Variants in ZFX observed in about 807,000 individuals in gnomAD.
The protein encoded by ZFX is zinc finger protein X-linked, also known as zinc finger X-chromosomal protein.
For synonymous variants in ZFX, 196 were observed against 226.8 expected (o/e 0.86, Z 1.22); for missense variants, 362 against 628.3 (o/e 0.58, Z 4.53).
intron 3 of ZFX, among the ~76,000 whole-genome samples, chrX:24,168,931 C>T (rs1222639687): frequency 9.0e-6 from 1 of 110,648 alleles, no homozygotes; most frequent in African/African-American, 3.3e-5. Context: ...TTCAACTGAT[C>T]TCTGGGCTTG....
intron 5 of ZFX, among the ~76,000 whole-genome samples, chrX:24,193,510 A>G (rs1936682214): frequency 8.9e-6 from 1 of 111,957 alleles, no homozygotes; most frequent in African/African-American, 3.2e-5. Context: ...TGGTTGCACC[A>G]CAGTGAATGT....
chrX:24,179,850 T>C lies in ZFX; in HGVS notation c.646+80T>C. The C allele has an allele frequency of 7.8e-6, 7 of 897,484 alleles. 1 individual carries two copies. The South Asian group carries it at 1.6e-4, about 21-fold the overall frequency. The allele number at this position is 897,484 out of a possible 1,213,427, so 74.0% of individuals were successfully genotyped here. On this transcript the variant is annotated intron_variant, in intron 5 of 9. Coordinates refer to ENST00000304543, the MANE Select transcript of ZFX (RefSeq NM_003410.4). ...AATTTACATCAGGGGTGAAATTTTCTTGACTTAAATGTCTGTAAAAGTAAA... is the reference window on the plus strand; with the variant it reads ...AATTTACATCAGGGGTGAAATTTTCCTGACTTAAATGTCTGTAAAAGTAAA...
At chrX:24,199,395 C>G (rs1937137578) in intron 5 of ZFX, among the ~76,000 whole-genome samples, 1 of 109,664 alleles carries the variant, frequency 9.1e-6, no homozygotes, top group Non-Finnish European at 1.9e-5. Flanking sequence ...GCTGGGACTA[C>G]AGGTGCACAC....
At chrX:24,196,784 T>TG (rs1206755695) in intron 5 of ZFX, among the ~76,000 whole-genome samples, 1 of 111,349 alleles carries the variant, frequency 9.0e-6, no homozygotes, top group African/African-American at 3.3e-5. Context: ...TTTGTAGAGA[T>TG]GGGGTCTCAC....
intron 4 of ZFX, chrX:24,177,978 C>A: frequency 2.6e-6 from 1 of 382,705 alleles, no homozygotes; most frequent in Non-Finnish European, 3.3e-6. Context: ...GTCACCCAGG[C>A]TGGAGTGCAG....
rs1411733058 is a variant in ZFX, at chrX:24,212,894, T to TTTTG, written c.*1521_*1524dup. On this transcript the variant is annotated 3_prime_UTR_variant, in exon 10 of 10. Coordinates refer to ENST00000304543, the MANE Select transcript of ZFX (RefSeq NM_003410.4). The stretch of plus-strand genomic sequence containing the variant: ...ACAGGTTTTTTGTTTGTTTGTTTTT[T>TTTTG]TTTGTTGTTTTTTTTTCTTAAGACG... The TTTTG allele has an allele frequency of 3.0e-5, 3 of 99,375 alleles. No individual in the cohort carries two copies. Among genetic ancestry groups the TTTTG allele is most frequent in the African/African-American group, 1.1e-4 (3 of 28,153 alleles). The allele number at this position is 99,375 out of a possible 1,213,427, so 8.2% of individuals were successfully genotyped here.
chrX:24,198,571 A>G (rs1937081207), intron 5 of ZFX, among the ~76,000 whole-genome samples: 3 of 109,977 alleles, frequency 2.7e-5, no homozygotes, highest in Non-Finnish European at 5.7e-5. Flanking sequence ...TATTTAACGA[A>G]TGAATGTTGC....
chrX:24,209,856 C>T (rs887300356), intron 9 of ZFX, among the ~76,000 whole-genome samples: 2 of 112,094 alleles, frequency 1.8e-5, no homozygotes, highest in Non-Finnish European at 3.8e-5. Flanking sequence ...GCTGGGATTA[C>T]AGGCGTGAGC....
intron 5 of ZFX, among the ~76,000 whole-genome samples, chrX:24,206,867 A>C (rs865945898): frequency 9.0e-6 from 1 of 110,781 alleles, no homozygotes; most frequent in African/African-American, 3.3e-5. Flanking sequence ...AGTCTTTAGA[A>C]ATGTATTTAT....
intron 9 of ZFX, among the ~76,000 whole-genome samples, chrX:24,209,966 G>A: frequency 8.9e-6 from 1 of 112,077 alleles, no homozygotes; most frequent in East Asian, 2.8e-4. Flanking sequence ...AAACTAGAGG[G>A]AGTGAAGGCG....
chrX:24,161,315 A>G, intron 3 of ZFX, among the ~76,000 whole-genome samples: 1 of 112,269 alleles, frequency 8.9e-6, no homozygotes, highest in South Asian at 3.6e-4. Flanking sequence ...ATACATACAG[A>G]AATTCAGTGC....
At chrX:24,207,247 T>A in intron 5 of ZFX, 79 bp from the exon 6 acceptor site, 29 of 719,814 alleles carry the variant, frequency 4.0e-5, no homozygotes, top group Admixed American at 9.3e-5. Flanking sequence ...AAAAAAAAAT[T>A]TTTTTTTTTT....
chrX:24,170,118 GGCTT>G (rs1204925457), intron 3 of ZFX, among the ~76,000 whole-genome samples: 1 of 108,892 alleles, frequency 9.2e-6, no homozygotes, highest in Non-Finnish European at 1.9e-5. Context: ...CTTCTTAATT[GGCTT>G]GCTTTAATGT....
At position 24,163,364 on chromosome X, in the gene ZFX, G is replaced by GTTTTTTTT. The variant is rs66467960; in HGVS notation, c.-28-9327_-28-9320dup. On this transcript the variant is annotated intron_variant, in intron 3 of 9. Transcript: ENST00000304543. ...AATTTGGTTAAATTATTTTTGTTAG[G>GTTTTTTTT]TTTTTTTTTTTTTTTTTTTTTTTTT... is the stretch of plus-strand genomic sequence containing the variant. 6.8e-4 allele frequency among the ~76,000 whole-genome samples: 13 copies of GTTTTTTTT among 19,063 alleles called. 3 individuals carry two copies. Among genetic ancestry groups the GTTTTTTTT allele is most frequent in the Admixed American group, 1.3e-3 (1 of 778 alleles). 16.6% of individuals were successfully genotyped at this position (19,063 alleles called of 115,157 possible).
intron 4 of ZFX, chrX:24,177,614 T>G: frequency 1.6e-6 from 1 of 617,275 alleles, no homozygotes; most frequent in Non-Finnish European, 1.9e-6. Context: ...CTCAACCCAG[T>G]TGTCTTTCCT....
chrX:24,203,373 C>G (rs1411214419), intron 5 of ZFX, among the ~76,000 whole-genome samples: 1 of 112,250 alleles, frequency 8.9e-6, no homozygotes, highest in African/African-American at 3.2e-5. Flanking sequence ...GGGCACCTGA[C>G]TTAGTCACTG....
intron 1 of ZFX, chrX:24,150,366 C>T (rs1299418488): frequency 2.7e-5 from 3 of 111,174 alleles, no homozygotes; most frequent in African/African-American, 9.8e-5. Context: ...GTGACGGGCC[C>T]CGGAGGCCCG....
At chrX:24,158,681 G>C (rs961340995) in intron 3 of ZFX, among the ~76,000 whole-genome samples, 4 of 111,171 alleles carry the variant, frequency 3.6e-5, no homozygotes, top group Admixed American at 9.6e-5. Context: ...CTGTCGCCCA[G>C]GCTGGAGTGC....
At chrX:24,184,740 TTATG>T (rs1935963583) in intron 5 of ZFX, among the ~76,000 whole-genome samples, 1 of 111,655 alleles carries the variant, frequency 9.0e-6, no homozygotes, top group Admixed American at 9.6e-5. Context: ...AATATATGTT[TTATG>T]TATGTGTATA....
Sources: allele counts gnomAD v4.1 joint callset (sites outside exome capture counted in the v4.1 genomes callset), GRCh38; gene constraint gnomAD v4.1.1; transcripts MANE v1.5; gene names NCBI Gene and HGNC (gene_info 2026-07-23, HGNC 2026-07-21).